SELENBP1: variants seen among roughly 807,000 people sequenced by gnomAD.
SELENBP1 encodes the protein methanethiol oxidase.
In SELENBP1, 71 loss-of-function variants were observed where a neutral mutation model predicts 61.0. The observed-to-expected ratio is 1.16, with a 90% CI of 0.96 to 1.42. The LOEUF (loss-of-function observed/expected upper bound fraction) is 1.42. SELENBP1 is among the 40% of genes most tolerant of loss of function. The probability of loss-of-function intolerance (pLI) is 0.00; values close to 1 mark genes in which losing one functional copy is unlikely to be tolerated. For synonymous variants in SELENBP1, 270 were observed against 238.9 expected (o/e 1.13, Z -1.20); for missense variants, 561 against 605.0 (o/e 0.93, Z 0.76).
chr1:151,366,176 T>G (rs1159090397), intron 7 of SELENBP1, 99 bp downstream of exon 7: 2 of 1,416,462 alleles, frequency 1.4e-6, no homozygotes, highest in African/African-American at 1.4e-5. Flanking sequence ...CTCATTTTTT[T>G]CGTTCCTGGA....
rs756352620 is a variant in SELENBP1 at position 151,365,272 on chromosome 1, C to A, written c.1054G>T (p.Gly352Ter). 9 of 1,612,078 alleles carry A rather than the reference C, an allele frequency of 5.6e-6. No individual in the cohort carries two copies. Among genetic ancestry groups the A allele is most frequent in the Non-Finnish European group, 6.8e-6 (8 of 1,179,096 alleles). Residue 352 changes from glycine (G) to a stop codon, truncating the protein, a stop_gained, in exon 10 of 12, where the codon GGA becomes TGA. Transcript: ENST00000368868. LOFTEE classifies it high-confidence loss of function. ...RPRLTGQLFL[G>*]GSIVKGGPVQ... is the part of the protein sequence containing the mutation. ...GGGCCTCCCTTAACAATGCTGCCTC[C>A]GAGGAAGAGCTAGATGGGGAGGTGC...
In SELENBP1 at chr1:151,365,080, C is replaced by T. The variant is rs772147422; in HGVS notation, c.1138-36G>A. ...CCAGGGGTCAGAGCCCAGGGTAACA[C>T]ACAGATCCTAGGCACCACCCCAACC... On this transcript the variant is annotated intron_variant, in intron 10 of 11. Coordinates refer to ENST00000368868, the MANE Select transcript of SELENBP1 (RefSeq NM_003944.4). The T allele has an allele frequency of 6.9e-6, 11 of 1,592,678 alleles. No individual in the cohort carries two copies. The South Asian group carries it at 1.2e-4, about 18-fold the overall frequency.
At position 151,364,676 on chromosome 1, in the gene SELENBP1, A is replaced by T. The variant is rs1423234614; in HGVS notation, c.1286T>A (p.Val429Glu). 1 of 1,603,008 alleles carries T rather than the reference A, an allele frequency of 6.2e-7. No homozygotes were observed. The highest frequency in any genetic ancestry group is 1.3e-5 in the African/African-American group (1 of 74,786). Residue 429 changes from valine (V) to glutamate (E), a missense_variant, in exon 12 of 12, where the codon GTA (valine) becomes GAA (glutamate). Transcript: ENST00000368868. Reference sequence around the variant, plus strand: ...CTTCAGCCCTCCTTTTACTGTGTCTACATCAACCTGCAGCATCACAGAGCC... The same window carrying T: ...CTTCAGCCCTCCTTTTACTGTGTCTTCATCAACCTGCAGCATCACAGAGCC... Reference protein sequence around the residue: ...REGSVMLQVDVDTVKGGLKLN... With the variant: ...REGSVMLQVDEDTVKGGLKLN...
At position 151,366,329 on chromosome 1, in the gene SELENBP1, T is replaced by C; in HGVS notation, c.789A>G (p.Gln263=). The C allele has an allele frequency of 6.2e-7, 1 of 1,614,166 alleles. No homozygotes were observed. Among genetic ancestry groups the C allele is most frequent in the Admixed American group, 1.7e-5 (1 of 60,024 alleles). The part of the protein sequence containing the change: ...IRFLHNPDAA[Q]GFVGCALSST... Reference sequence around the variant, plus strand: ...AGCTGAGTGCGCAGCCCACAAAGCCTTGGGCAGCGTCTGGGTTGTGCAGGA... The same window carrying C: ...AGCTGAGTGCGCAGCCCACAAAGCCCTGGGCAGCGTCTGGGTTGTGCAGGA... The change falls in exon 7 of 12, where the codon CAA becomes CAG. Residue 263 remains glutamine (Q), a synonymous_variant. Coordinates refer to ENST00000368868, the MANE Select transcript of SELENBP1 (RefSeq NM_003944.4).
In SELENBP1 at chr1:151,368,207, T is replaced by C. The variant is rs1651954327; in HGVS notation, c.473A>G (p.Asn158Ser). Residue 158 changes from asparagine (N) to serine (S), a missense_variant, in exon 5 of 12, where the codon AAT (asparagine) becomes AGT (serine). Coordinates refer to ENST00000368868, the MANE Select transcript of SELENBP1 (RefSeq NM_003944.4). Reference protein sequence around the residue: ...MISSLGDVKGNGKGGFVLLDG... With the variant: ...MISSLGDVKGSGKGGFVLLDG... ...ACAGTGCTGGCAGGTACCTTTGCCATTGCCCTTGACGTCTCCCAGGGAGCT... is the reference window on the plus strand; with the variant it reads ...ACAGTGCTGGCAGGTACCTTTGCCACTGCCCTTGACGTCTCCCAGGGAGCT... 2 of 1,613,918 alleles carry C rather than the reference T, an allele frequency of 1.2e-6. No homozygotes were observed. The highest frequency in any genetic ancestry group is 1.1e-5 in the South Asian group (1 of 91,072).
At position 151,364,569 on chromosome 1, in the gene SELENBP1, C is replaced by T. The variant is rs116396590; in HGVS notation, c.1393G>A (p.Asp465Asn). ...LAHELRYPGG[D>N]CSSDIWI is the part of the protein sequence containing the mutation. The stretch of plus-strand genomic sequence containing the variant: ...CAAATCCAGATGTCAGAGCTACAAT[C>T]GCCCCCAGGGTAGCGGAGCTCATGG... Residue 465 changes from aspartate to asparagine, a missense_variant, in exon 12 of 12, where the codon GAT (aspartate) becomes AAT (asparagine). By Grantham distance (23) the Asp-to-Asn change is conservative. Transcript: ENST00000368868. 2.4e-5 allele frequency: 38 copies of T among 1,614,138 alleles called. No homozygotes were observed. In the African/African-American group the frequency reaches 3.1e-4, roughly 13 times the overall value.
intron 5 of SELENBP1, 79 bp from the exon 6 acceptor site, chr1:151,366,983 A>G (rs1253462567): frequency 6.4e-7 from 1 of 1,556,586 alleles, no homozygotes; most frequent in Non-Finnish European, 8.7e-7. Context: ...TCCCCGAGGC[A>G]TGTCTAAGAG....
At chr1:151,368,529 C>T (rs532314778) in intron 4 of SELENBP1, among the ~76,000 whole-genome samples, 1 of 152,340 alleles carries the variant, frequency 6.6e-6, no homozygotes, top group South Asian at 2.1e-4. Context: ...TAATAACTCC[C>T]CAGGCAGAAA....
chr1:151,371,365 G>T (rs973105862), intron 1 of SELENBP1, among the ~76,000 whole-genome samples: 1 of 151,590 alleles, frequency 6.6e-6, no homozygotes, highest in African/African-American at 2.4e-5. Context: ...CCGAAATCAC[G>T]CCACTGCAGT....
At position 151,366,803 on chromosome 1, in the gene SELENBP1, G is replaced by A. The variant is rs777738478; in HGVS notation, c.583C>T (p.Arg195Ter). 16 of 1,614,104 alleles carry A rather than the reference G, an allele frequency of 9.9e-6. No homozygotes were observed. The highest frequency in any genetic ancestry group is 1.3e-5 in the African/African-American group (1 of 74,996). The stretch of plus-strand genomic sequence containing the variant: ...TCAGTGCTGATCATGACATTGTGTC[G>A]AGGCTGGTACCAGAAGTCATAGCCC... The part of the protein sequence containing the change: ...PLGYDFWYQP[R>*]HNVMISTEWA... Residue 195 changes from arginine to a stop codon, truncating the protein, a stop_gained, in exon 6 of 12, where the codon CGA (arginine) becomes TGA (stop). Transcript: ENST00000368868. LOFTEE classifies it high-confidence loss of function.
chr1:151,369,282 C>A (rs371294453), intron 3 of SELENBP1, 93 bp from the exon 4 acceptor site: 91 of 1,507,212 alleles, frequency 6.0e-5, no homozygotes, highest in Non-Finnish European at 8.1e-5. Context: ...TTTGGAAGCA[C>A]GGCACAGGCT....
intron 6 of SELENBP1, 76 bp downstream of exon 6, chr1:151,366,646 G>T (rs1010749238): frequency 1.3e-6 from 2 of 1,538,690 alleles, no homozygotes; most frequent in East Asian, 2.3e-5. Context: ...AGGGAAGTGT[G>T]GGGGTGGGAG....
At chr1:151,370,092 C>T (rs1296861656) in intron 1 of SELENBP1, 1 of 1,096,568 alleles carries the variant, frequency 9.1e-7, no homozygotes, top group Admixed American at 3.0e-5. Context: ...AACCCCAGCC[C>T]ACCACTGACT....
In SELENBP1 at chr1:151,364,589, T is replaced by C. The variant is rs934851704; in HGVS notation, c.1373A>G (p.Glu458Gly). ...KEPLGPALAHELRYPGGDCSS... is the reference protein window; with the variant it reads ...KEPLGPALAHGLRYPGGDCSS... ...ACAATCGCCCCCAGGGTAGCGGAGC[T>C]CATGGGCAAGGGCTGGGCCAAGGGG... The change falls in exon 12 of 12, where the codon GAG (glutamate) becomes GGG (glycine). Residue 458 changes from glutamate to glycine, a missense_variant. By Grantham distance (98) the Glu-to-Gly change is moderately conservative. Coordinates refer to ENST00000368868, the MANE Select transcript of SELENBP1 (RefSeq NM_003944.4). 6.2e-7 allele frequency: 1 copy of C among 1,614,022 alleles called. No individual in the cohort carries two copies. The highest frequency in any genetic ancestry group is 1.3e-5 in the African/African-American group (1 of 75,004).
At chr1:151,367,355 A>AAAAAAAAAAAAAAAAGAAAAGAAAAG (rs966572769) in intron 5 of SELENBP1, 1 of 49,264 alleles carries the variant, frequency 2.0e-5, no homozygotes, top group Admixed American at 2.6e-4. Context: ...AAAAAAAAAA[A>AAAAAAAAAAAAAAAAGAAAAGAAAAG]AAAAAGAGAA....
At chr1:151,369,602 G>A (rs1171822671) in intron 2 of SELENBP1, 48 bp from the exon 3 acceptor site, 2 of 1,562,036 alleles carry the variant, frequency 1.3e-6, no homozygotes, top group Non-Finnish European at 1.7e-6. Context: ...GGGAAGGAAA[G>A]GTAGGGGAAG....
chr1:151,370,017 G>A, intron 1 of SELENBP1: 1 of 1,440,096 alleles, frequency 6.9e-7, no homozygotes. Context: ...CCCCGGGAGG[G>A]TGGGAGGAGG....
chr1:151,367,010 C>T, intron 5 of SELENBP1, 106 bp from the exon 6 acceptor site: 3 of 1,510,878 alleles, frequency 2.0e-6, no homozygotes, highest in Non-Finnish European at 2.7e-6. Context: ...AGCCCATTGC[C>T]TCTACCTCCA....
chr1:151,371,105 C>A (rs570736431), intron 1 of SELENBP1, among the ~76,000 whole-genome samples: 9 of 152,218 alleles, frequency 5.9e-5, no homozygotes, highest in African/African-American at 2.2e-4. Context: ...TGAATTAGGC[C>A]GGGTGCGGTG....
Sources: allele counts gnomAD v4.1 joint callset (sites outside exome capture counted in the v4.1 genomes callset), GRCh38; gene constraint gnomAD v4.1.1; transcripts MANE v1.5; gene names NCBI Gene and HGNC (gene_info 2026-07-23, HGNC 2026-07-21).